ERGIC3: variants seen among roughly 807,000 people sequenced by gnomAD.
ERGIC3 encodes ERGIC and golgi 3.
ERGIC3 carries 33 observed loss-of-function variants against 54.7 expected under a neutral mutation model. The ratio of observed to expected loss-of-function variants is 0.60; its 90% CI spans 0.46 to 0.81. The LOEUF is 0.81. Ranked by LOEUF, ERGIC3 falls within the 30% of genes least tolerant of loss-of-function variation. ERGIC3 has a pLI of 0.00. For missense variants in ERGIC3, 399 were observed against 488.4 expected (o/e 0.82, Z 1.73); for synonymous variants, 186 against 189.8 (o/e 0.98, Z 0.16).
intron 7 of ERGIC3, chr20:35,554,313 T>C: frequency 1.2e-6 from 2 of 1,608,302 alleles, no homozygotes; most frequent in South Asian, 1.1e-5. Context: ...CTTGCTCTCA[T>C]AGTTCTCATT....
rs758633799 is a variant in ERGIC3, at chr20:35,556,107, C to T, written c.792C>T (p.His264=). The change falls in exon 9 of 13, where the codon CAC becomes CAT. Residue 264 remains histidine, a synonymous_variant. Transcript: ENST00000348547. The part of the protein sequence containing the change: ...DYPGIVNPLD[H]TNVTAPQASM... ...CAGGCATTGTGAACCCCCTGGACCA[C>T]ACCAATGTCACTGCGCCCCAAGGTA... The T allele has an allele frequency of 6.2e-7, 1 of 1,614,216 alleles. No individual in the cohort carries two copies. Among genetic ancestry groups the T allele is most frequent in the South Asian group, 1.1e-5 (1 of 91,088 alleles).
chr20:35,557,270 G>T, intron 12 of ERGIC3, 21 bp downstream of exon 12: 1 of 1,614,108 alleles, frequency 6.2e-7, no homozygotes, highest in Non-Finnish European at 8.5e-7. Flanking sequence ...CAGGGCGTCT[G>T]TGAGCTGTGG....
chr20:35,543,031 A>T, intron 4 of ERGIC3, 90 bp downstream of exon 4: 2 of 1,586,048 alleles, frequency 1.3e-6, no homozygotes, highest in Non-Finnish European at 1.7e-6. Flanking sequence ...AGGCATAGTG[A>T]TACATTAAAC....
At chr20:35,552,636 T>C (rs932585717) in intron 7 of ERGIC3, among the ~76,000 whole-genome samples, 1 of 152,066 alleles carries the variant, frequency 6.6e-6, no homozygotes, top group African/African-American at 2.4e-5. Flanking sequence ...CTGAGTGTAG[T>C]GTCAACAAGT....
intron 7 of ERGIC3, among the ~76,000 whole-genome samples, chr20:35,550,895 T>G (rs1601364958): frequency 6.6e-6 from 1 of 152,052 alleles, no homozygotes; most frequent in Admixed American, 6.6e-5. Flanking sequence ...GTGGAAGTGG[T>G]GGGAAGTGAC....
intron 4 of ERGIC3, among the ~76,000 whole-genome samples, chr20:35,546,972 G>C (rs1169740580): frequency 6.6e-6 from 1 of 152,170 alleles, no homozygotes; most frequent in Non-Finnish European, 1.5e-5. Flanking sequence ...CGGTGCAGAG[G>C]GAGAGGTGTG....
chr20:35,556,150 C>T, intron 9 of ERGIC3, 21 bp downstream of exon 9: 2 of 1,614,088 alleles, frequency 1.2e-6, no homozygotes, highest in Non-Finnish European at 1.7e-6. Context: ...GGGAGGCAGC[C>T]CCCAGCCGCA....
In ERGIC3 at chr20:35,557,184, C is replaced by G. The variant is rs1424777263; in HGVS notation, c.1017-10C>G. On this transcript the variant is annotated splice_polypyrimidine_tract_variant and intron_variant, in intron 11 of 12. Coordinates refer to ENST00000348547, the MANE Select transcript of ERGIC3 (RefSeq NM_015966.3). ...GGATGCCTGCTGAGCCCACCCTCTC[C>G]TTCTACCAGGTCCTTCACCCACTTC... is the stretch of plus-strand genomic sequence containing the variant. 2.5e-6 allele frequency: 4 copies of G among 1,614,232 alleles called. No homozygotes were observed. The highest frequency in any genetic ancestry group is 3.4e-6 in the Non-Finnish European group (4 of 1,180,028).
intron 4 of ERGIC3, chr20:35,543,969 C>G (rs2064631709): frequency 3.2e-6 from 1 of 311,262 alleles, no homozygotes; most frequent in African/African-American, 2.2e-5. Context: ...GGGTATCTCA[C>G]GAGGTTGCAG....
chr20:35,547,858 C>T (rs1358647666), intron 5 of ERGIC3, among the ~76,000 whole-genome samples: 1 of 152,126 alleles, frequency 6.6e-6, no homozygotes, highest in African/African-American at 2.4e-5. Flanking sequence ...TCGTAAGAGT[C>T]ACATATGGAT....
chr20:35,546,355 A>G (rs2064648825), intron 4 of ERGIC3, among the ~76,000 whole-genome samples: 3 of 152,196 alleles, frequency 2.0e-5, no homozygotes, highest in South Asian at 4.1e-4. Context: ...TGGTGAGAGC[A>G]AGTGAAGTTC....
chr20:35,545,795 G>C (rs1478660078), intron 4 of ERGIC3, among the ~76,000 whole-genome samples: 1 of 152,128 alleles, frequency 6.6e-6, no homozygotes, highest in Middle Eastern at 3.2e-3. Flanking sequence ...TCTCAGGTTT[G>C]GGGTATGTTA....
chr20:35,554,707 T>G, intron 7 of ERGIC3: 1 of 587,754 alleles, frequency 1.7e-6, no homozygotes, highest in Non-Finnish European at 3.0e-6. Flanking sequence ...TTCAGTGATT[T>G]GCCATCAGCT....
chr20:35,543,725 A>G, intron 4 of ERGIC3: 1 of 470,734 alleles, frequency 2.1e-6, no homozygotes, highest in South Asian at 1.5e-5. Context: ...AGTGGAGGAG[A>G]GCAAAGTCAT....
intron 10 of ERGIC3, chr20:35,556,589 C>T (rs1310453795): frequency 2.0e-6 from 1 of 499,748 alleles, no homozygotes; most frequent in Admixed American, 3.3e-5. Context: ...TGTGTACCCG[C>T]TCCCAAGGCT....
chr20:35,548,874 T>G lies in ERGIC3; in HGVS notation c.685+9T>G, dbSNP rs1247140574. On this transcript the variant is annotated intron_variant, in intron 7 of 12. Coordinates refer to ENST00000348547, the MANE Select transcript of ERGIC3 (RefSeq NM_015966.3). The stretch of plus-strand genomic sequence containing the variant: ...GCAGTCCCATGTGCACGGTGAGTGA[T>G]CTGCACTAGCTGGGGAGATTTAGAT... The G allele has an allele frequency of 6.2e-7, 1 of 1,614,024 alleles. No homozygotes were observed. The highest frequency in any genetic ancestry group is 1.3e-5 in the African/African-American group (1 of 74,930).
At chr20:35,551,909 G>A (rs1049728764) in intron 7 of ERGIC3, among the ~76,000 whole-genome samples, 12 of 152,178 alleles carry the variant, frequency 7.9e-5, no homozygotes, top group African/African-American at 2.4e-4. Flanking sequence ...TTGCCTAGGG[G>A]AGGAGAGAGC....
intron 7 of ERGIC3, chr20:35,554,302 T>C (rs556813770): frequency 1.9e-6 from 3 of 1,594,316 alleles, no homozygotes; most frequent in Admixed American, 3.3e-5. Context: ...CTGCAACATA[T>C]CTTGCTCTCA....
chr20:35,542,256 G>T, intron 1 of ERGIC3, 67 bp from the exon 2 acceptor site: 6 of 1,612,322 alleles, frequency 3.7e-6, no homozygotes, highest in Non-Finnish European at 5.1e-6. Flanking sequence ...CCTGGACTCT[G>T]ACTGGCCTGC....
Sources: allele counts gnomAD v4.1 joint callset (sites outside exome capture counted in the v4.1 genomes callset), GRCh38; gene constraint gnomAD v4.1.1; transcripts MANE v1.5; gene names NCBI Gene and HGNC (gene_info 2026-07-23, HGNC 2026-07-21).